The following SEC63 variants were observed in gnomAD, a reference collection of about 807,000 sequenced individuals.
SEC63 encodes translocation protein SEC63 homolog.
In SEC63, 56 loss-of-function variants were observed where a neutral mutation model predicts 116.2. That is an observed-to-expected ratio of 0.48 (90% CI 0.39 to 0.60). The LOEUF (loss-of-function observed/expected upper bound fraction) is 0.60. Among genes scored for constraint, SEC63 ranks in the 20% least tolerant of loss-of-function variants. SEC63 has a pLI of 0.00. For synonymous variants in SEC63, 273 were observed against 294.6 expected, an observed-to-expected ratio of 0.93 and a Z score of 0.75; for missense variants, 668 against 900.0, an observed-to-expected ratio of 0.74 and a Z score of 3.30.
intron 16 of SEC63, among the ~76,000 whole-genome samples, chr6:107,891,274 T>C (rs1786675310): frequency 6.6e-6 from 1 of 152,036 alleles, no homozygotes; most frequent in Admixed American, 6.6e-5. Flanking sequence ...CTTTTCACTC[T>C]TTTTTCTCTA....
In SEC63 at chr6:107,868,124, C is replaced by T. The variant is rs847120; in HGVS notation, c.*3580G>A. The T allele has an allele frequency of 0.96, 146,368 of 152,152 alleles. 70,546 individuals are homozygous for T. The highest frequency in any genetic ancestry group is 0.99 in the Middle Eastern group (291 of 294). 9.4% of individuals were successfully genotyped at this position (152,152 alleles called of 1,614,324 possible). ...TTTGGACTAATCACTACACAGCTGG[C>T]AAAATGTTATGGTTCACCAACAGTT... On this transcript the variant is annotated 3_prime_UTR_variant, in exon 21 of 21. Coordinates refer to ENST00000369002, the MANE Select transcript of SEC63 (RefSeq NM_007214.5).
intron 16 of SEC63, among the ~76,000 whole-genome samples, chr6:107,888,298 G>A (rs564102282): frequency 6.6e-6 from 1 of 152,104 alleles, no homozygotes; most frequent in Non-Finnish European, 1.5e-5. Flanking sequence ...TCCTTGAAGA[G>A]GTCCTTCACA....
Position 107,950,138 on chromosome 6 carries a change from G to A in SEC63, c.124+7748C>T, listed in dbSNP as rs570150832. Among the ~76,000 whole-genome samples, 36 of 152,226 alleles carry A rather than the reference G, an allele frequency of 2.4e-4. 1 individual carries two copies. The South Asian group carries it at 7.5e-3, about 32-fold the overall frequency. ...AGTAACCAAAAGATAGCAGGGTGGTGACTATAAGACAAAATAGACTTTAAA... is the reference window on the plus strand; with the variant it reads ...AGTAACCAAAAGATAGCAGGGTGGTAACTATAAGACAAAATAGACTTTAAA... On this transcript the variant is annotated intron_variant, in intron 1 of 20. Transcript: ENST00000369002.
At chr6:107,893,166 A>G (rs1786729222) in intron 16 of SEC63, among the ~76,000 whole-genome samples, 1 of 151,680 alleles carries the variant, frequency 6.6e-6, no homozygotes, top group Non-Finnish European at 1.5e-5. Flanking sequence ...AGAATGAACT[A>G]CTGCTACAAA....
intron 6 of SEC63, among the ~76,000 whole-genome samples, chr6:107,911,607 A>G (rs773861845): frequency 1.1e-4 from 16 of 152,234 alleles, no homozygotes; most frequent in Non-Finnish European, 2.1e-4. Context: ...CATGGGTTAC[A>G]TAACTTGTCC....
chr6:107,903,008 A>T lies in SEC63; in HGVS notation c.1055-10T>A. ...GCACGAAACTCCCTTTCTTAGAAAGAACAGGAAAAAAAGAAACAGGGCTGG... is the reference window on the plus strand; with the variant it reads ...GCACGAAACTCCCTTTCTTAGAAAGTACAGGAAAAAAAGAAACAGGGCTGG... On this transcript the variant is annotated splice_polypyrimidine_tract_variant and intron_variant, in intron 11 of 20. Transcript: ENST00000369002. 1 of 1,613,988 alleles carries T rather than the reference A, an allele frequency of 6.2e-7. No individual in the cohort carries two copies. The highest frequency in any genetic ancestry group is 8.5e-7 in the Non-Finnish European group (1 of 1,179,934).
intron 7 of SEC63, among the ~76,000 whole-genome samples, chr6:107,909,524 T>C (rs1787228499): frequency 6.6e-6 from 1 of 152,158 alleles, no homozygotes; most frequent in Non-Finnish European, 1.5e-5. Context: ...TTTCAAGTGA[T>C]TTCTTTAGCA....
In SEC63 at chr6:107,872,875, T is replaced by A. The variant is rs1335709527; in HGVS notation, c.2072A>T (p.Asn691Ile). The A allele has an allele frequency of 5.8e-6, 9 of 1,552,010 alleles. No individual in the cohort carries two copies. The Admixed American group carries it at 1.2e-4, about 20-fold the overall frequency. ...LKFPAPGKPG[N>I]YQYTVFLRSD... ...TCTCAGAAACACAGTATACTGATAATTTCCAGGCTTGCCTGGTGCAGGAAA... is the reference window on the plus strand; with the variant it reads ...TCTCAGAAACACAGTATACTGATAAATTCCAGGCTTGCCTGGTGCAGGAAA... Residue 691 changes from asparagine to isoleucine, a missense_variant, in exon 20 of 21, where the codon AAT (asparagine) becomes ATT (isoleucine). By Grantham distance (149) the Asn-to-Ile change is moderately radical. Around this residue, in one of 5 missense-constraint regions of SEC63, gnomAD observed 85 missense variants for 116.3 expected, o/e 0.73. Transcript: ENST00000369002.
chr6:107,882,917 C>T (rs1199644209), intron 17 of SEC63, 71 bp downstream of exon 17: 2 of 1,043,908 alleles, frequency 1.9e-6, no homozygotes, highest in East Asian at 2.4e-5. Flanking sequence ...TGAACAACAA[C>T]AACAAAACCC....
At chr6:107,918,299 T>TG (rs954459213) in intron 4 of SEC63, among the ~76,000 whole-genome samples, 3 of 152,052 alleles carry the variant, frequency 2.0e-5, no homozygotes, top group Non-Finnish European at 4.4e-5. Flanking sequence ...ACAACGCACG[T>TG]GGTCACTCAA....
intron 4 of SEC63, among the ~76,000 whole-genome samples, 187 bp from the exon 5 acceptor site, chr6:107,913,614 AT>A (rs1787334982): frequency 6.6e-6 from 1 of 152,136 alleles, no homozygotes; most frequent in South Asian, 2.1e-4. Flanking sequence ...TTAACAGAAA[AT>A]GCTAACTATT....
At chr6:107,939,533 C>T (rs1050250361) in intron 1 of SEC63, among the ~76,000 whole-genome samples, 2 of 152,152 alleles carry the variant, frequency 1.3e-5, no homozygotes, top group Non-Finnish European at 2.9e-5. Flanking sequence ...AGACGGATCG[C>T]GTGAGGTCAG....
Position 107,871,631 on chromosome 6 carries a change from G to C in SEC63, c.*73C>G, listed in dbSNP as rs888522470. On this transcript the variant is annotated 3_prime_UTR_variant, in exon 21 of 21. Transcript: ENST00000369002. ...CAACATCAGTTCTGTACTGTTTCTG[G>C]TTTATGATACACTTCCAAAACAGCA... The C allele has an allele frequency of 4.9e-5, 72 of 1,459,126 alleles. 2 individuals are homozygous for C. The South Asian group carries it at 7.1e-4, about 14-fold the overall frequency. 90.4% of individuals were successfully genotyped at this position (1,459,126 alleles called of 1,614,324 possible).
chr6:107,897,194 T>A (rs982191476), intron 14 of SEC63, among the ~76,000 whole-genome samples: 1 of 152,228 alleles, frequency 6.6e-6, no homozygotes, highest in Admixed American at 6.5e-5. Flanking sequence ...TTTGTTCCTA[T>A]ACTTTTCTGC....
chr6:107,877,904 A>G (rs1021329023), intron 18 of SEC63, among the ~76,000 whole-genome samples: 5 of 152,240 alleles, frequency 3.3e-5, no homozygotes, highest in Admixed American at 3.3e-4. Flanking sequence ...TAATAAATAA[A>G]TGACAAGTAC....
chr6:107,876,525 G>A (rs961938491), intron 19 of SEC63, 39 bp downstream of exon 19: 1 of 1,172,450 alleles, frequency 8.5e-7, no homozygotes, highest in Non-Finnish European at 1.3e-6. Context: ...TGACAGCTGT[G>A]CCTTGTTAAA....
At chr6:107,890,098 C>T (rs146448396) in intron 16 of SEC63, among the ~76,000 whole-genome samples, 93 of 152,180 alleles carry the variant, frequency 6.1e-4, no homozygotes, top group African/African-American at 1.5e-3. Context: ...CTATTAGGTC[C>T]GCTTGGTCCA....
intron 9 of SEC63, 45 bp from the exon 10 acceptor site, chr6:107,906,625 A>G: frequency 6.2e-7 from 1 of 1,606,690 alleles, no homozygotes. Context: ...TTTTTTTAAA[A>G]AAAGTATTCA....
intron 19 of SEC63, among the ~76,000 whole-genome samples, chr6:107,874,587 C>T (rs1160577327): frequency 3.6e-4 from 47 of 129,712 alleles, no homozygotes; most frequent in African/African-American, 1.4e-3. Flanking sequence ...CACAGTGAGA[C>T]TCTGTCTCAA....
Sources: gnomAD v4.1 joint callset for allele counts (sites outside exome capture counted in the v4.1 genomes callset) on GRCh38, gnomAD v4.1.1 for gene constraint, gnomAD v4.1.1 regional missense constraint, MANE v1.5 for transcripts, NCBI Gene and HGNC (gene_info 2026-07-23, HGNC 2026-07-21) for gene names.